Variants in CLDN10 observed in about 807,000 individuals in gnomAD.
CLDN10 encodes the protein claudin-10.
CLDN10 carries 15 observed loss-of-function variants against 22.9 expected under a neutral mutation model. That is an observed-to-expected ratio of 0.65 (90% CI 0.44 to 1.01). The LOEUF (loss-of-function observed/expected upper bound fraction) is 1.01, where lower values mean the gene tolerates loss of function less well. Among genes scored for constraint, CLDN10 ranks in the 50% least tolerant of loss-of-function variants. The probability of loss-of-function intolerance (pLI) is 0.00; values close to 1 mark genes in which losing one functional copy is unlikely to be tolerated. For synonymous variants in CLDN10, 114 were observed against 111.4 expected (o/e 1.02, Z -0.15); for missense variants, 247 against 287.8 (o/e 0.86, Z 1.03).
At chr13:95,512,137 T>TTTTTTTTTG (rs2043109560) in intron 1 of CLDN10, among the ~76,000 whole-genome samples, 1 of 120,888 alleles carries the variant, frequency 8.3e-6, no homozygotes. Context: ...TTTTGGTTTT[T>TTTTTTTTTG]GTTTGTTTGT....
At chr13:95,566,334 G>A (rs1378898401) in intron 3 of CLDN10, among the ~76,000 whole-genome samples, 1 of 152,280 alleles carries the variant, frequency 6.6e-6, no homozygotes, top group Middle Eastern at 3.4e-3. Context: ...GGCATGGATG[G>A]TATCTCATTG....
At chr13:95,456,912 T>C (rs1191532377) in intron 1 of CLDN10, among the ~76,000 whole-genome samples, 1 of 152,224 alleles carries the variant, frequency 6.6e-6, no homozygotes, top group African/African-American at 2.4e-5. Context: ...GCAGGCAGGA[T>C]TGAAGCAGAA....
chr13:95,443,848 G>C (rs971855245), intron 1 of CLDN10, among the ~76,000 whole-genome samples: 1 of 152,132 alleles, frequency 6.6e-6, no homozygotes, highest in Non-Finnish European at 1.5e-5. Flanking sequence ...CTAGCCCTCG[G>C]GTTGGAGGAG....
intron 1 of CLDN10, among the ~76,000 whole-genome samples, chr13:95,475,807 T>TCTCTCTGTCTCTCTCTGTCC (rs2042680248): frequency 6.6e-6 from 1 of 151,996 alleles, no homozygotes. Context: ...TCTCTCTGTC[T>TCTCTCTGTCTCTCTCTGTCC]CTCTCTGTCC....
intron 1 of CLDN10, among the ~76,000 whole-genome samples, chr13:95,490,163 A>G (rs1594558354): frequency 6.6e-6 from 1 of 151,846 alleles, no homozygotes; most frequent in Non-Finnish European, 1.5e-5. Context: ...ATGCCTCTGG[A>G]TTTGTTCTTT....
At chr13:95,484,475 A>G (rs954848001) in intron 1 of CLDN10, among the ~76,000 whole-genome samples, 2 of 152,174 alleles carry the variant, frequency 1.3e-5, no homozygotes, top group African/African-American at 4.8e-5. Flanking sequence ...GAATAATTTT[A>G]TATGTCATTC....
intron 1 of CLDN10, among the ~76,000 whole-genome samples, chr13:95,439,945 G>A (rs149729769): frequency 0.013 from 1,923 of 149,202 alleles, 44 homozygotes; most frequent in African/African-American, 0.044. Context: ...ACAAAGTCTC[G>A]CTCTGTTGCC....
At chr13:95,571,211 A>G (rs1476333374) in intron 3 of CLDN10, among the ~76,000 whole-genome samples, 1 of 152,146 alleles carries the variant, frequency 6.6e-6, no homozygotes, top group East Asian at 1.9e-4. Context: ...TACAATTTAT[A>G]GAATTCTGAA....
At chr13:95,538,965 C>G (rs1236087455) in intron 1 of CLDN10, among the ~76,000 whole-genome samples, 1 of 152,146 alleles carries the variant, frequency 6.6e-6, no homozygotes, top group Non-Finnish European at 1.5e-5. Flanking sequence ...CTGCAACCAC[C>G]GCCTCCTGGG....
intron 1 of CLDN10, among the ~76,000 whole-genome samples, chr13:95,520,175 A>G (rs910393761): frequency 6.6e-6 from 1 of 152,206 alleles, no homozygotes; most frequent in Admixed American, 6.5e-5. Flanking sequence ...TACCAGATTA[A>G]TCTTTCTAGG....
intron 1 of CLDN10, among the ~76,000 whole-genome samples, chr13:95,464,150 C>T (rs541604675): frequency 2.7e-4 from 41 of 151,648 alleles, no homozygotes; most frequent in African/African-American, 9.7e-4. Flanking sequence ...ATGTGCACAA[C>T]GTGCAGGTTT....
chr13:95,451,269 C>G (rs2042429452), intron 1 of CLDN10, among the ~76,000 whole-genome samples: 1 of 152,226 alleles, frequency 6.6e-6, no homozygotes, highest in Non-Finnish European at 1.5e-5. Flanking sequence ...TCTCCCTTCT[C>G]TGTGCTTCTG....
chr13:95,433,835 T>A (rs780076642), exon 1 of CLDN10: 76 of 1,613,824 alleles, frequency 4.7e-5, no homozygotes, highest in Non-Finnish European at 3.4e-6. Flanking sequence ...CGGCGCGACA[T>A]GTCCAGGGCG....
intron 1 of CLDN10, among the ~76,000 whole-genome samples, chr13:95,516,832 A>G (rs767999869): frequency 3.9e-5 from 6 of 152,156 alleles, no homozygotes; most frequent in Non-Finnish European, 7.3e-5. Context: ...TCTATAAACC[A>G]AAAATTTAAT....
intron 1 of CLDN10, among the ~76,000 whole-genome samples, chr13:95,461,046 AGGTT>A (rs2042532029): frequency 6.6e-6 from 1 of 152,118 alleles, no homozygotes; most frequent in Admixed American, 6.6e-5. Flanking sequence ...AGGGAGGTGG[AGGTT>A]GCAGTGAGCC....
chr13:95,477,413 A>G (rs1157209682), intron 1 of CLDN10, among the ~76,000 whole-genome samples: 1 of 151,772 alleles, frequency 6.6e-6, no homozygotes, highest in Admixed American at 6.6e-5. Context: ...CAGATAAGGG[A>G]ATTGGTTGGG....
chr13:95,538,599 C>T (rs1414601304), intron 1 of CLDN10, among the ~76,000 whole-genome samples: 1 of 152,208 alleles, frequency 6.6e-6, no homozygotes, highest in Non-Finnish European at 1.5e-5. Context: ...TGTGTGTGTT[C>T]GCTCTGAAAT....
intron 1 of CLDN10, among the ~76,000 whole-genome samples, chr13:95,540,026 G>A (rs1314085368): frequency 1.3e-5 from 2 of 149,560 alleles, no homozygotes; most frequent in African/African-American, 2.5e-5. Context: ...GTGGCCAGGC[G>A]CGGTGGCTCA....
intron 1 of CLDN10, among the ~76,000 whole-genome samples, chr13:95,508,409 T>C (rs138761523): frequency 1.1e-3 from 165 of 152,366 alleles, no homozygotes; most frequent in Middle Eastern, 3.4e-3. Flanking sequence ...TATTACTCCC[T>C]GCTTTGCATT....
Sources: allele counts gnomAD v4.1 joint callset (sites outside exome capture counted in the v4.1 genomes callset), GRCh38; gene constraint gnomAD v4.1.1; transcripts MANE v1.5; gene names NCBI Gene and HGNC (gene_info 2026-07-23, HGNC 2026-07-21).